Variants in RILPL1 observed in about 807,000 individuals in gnomAD.
RILPL1 encodes the protein RILP-like protein 1.
Under a neutral mutation model 50.3 loss-of-function variants are expected in RILPL1, and 33 were observed. The ratio of observed to expected loss-of-function variants is 0.66; its 90% confidence interval spans 0.50 to 0.88. The LOEUF is 0.88. Ranked by LOEUF, RILPL1 falls within the 40% of genes least tolerant of loss-of-function variation. RILPL1 has a pLI of 0.00. For missense variants in RILPL1, 418 were observed against 542.5 expected, an observed-to-expected ratio of 0.77 and a Z score of 2.28; for synonymous variants, 205 against 228.6, an observed-to-expected ratio of 0.90 and a Z score of 0.93.
intron 6 of RILPL1, chr12:123,474,962 A>G (rs1881492358): frequency 6.6e-6 from 1 of 152,450 alleles, no homozygotes; most frequent in African/African-American, 2.4e-5. Context: ...AGCCACGGCA[A>G]GCCAAGTTTA....
intron 2 of RILPL1, among the ~76,000 whole-genome samples, chr12:123,510,051 G>A (rs931439005): frequency 3.3e-5 from 5 of 152,194 alleles, no homozygotes; most frequent in African/African-American, 7.2e-5. Context: ...GGAGCCCAGC[G>A]GCAGGGCAGG....
intron 2 of RILPL1, among the ~76,000 whole-genome samples, chr12:123,514,804 A>G (rs768420622): frequency 2.0e-5 from 3 of 152,162 alleles, no homozygotes; most frequent in Non-Finnish European, 4.4e-5. Flanking sequence ...TAAATGATAT[A>G]CTACATGCTA....
intron 1 of RILPL1, among the ~76,000 whole-genome samples, chr12:123,527,752 G>A (rs927361737): frequency 6.6e-6 from 1 of 152,194 alleles, no homozygotes; most frequent in African/African-American, 2.4e-5. Context: ...GTCTTCGTAA[G>A]AGGAAGGCAG....
chr12:123,513,415 A>G, intron 2 of RILPL1: 1 of 330,892 alleles, frequency 3.0e-6, no homozygotes, highest in Admixed American at 3.3e-5. Flanking sequence ...GGAGGCGAGC[A>G]TGAGGAGAGA....
At chr12:123,482,904 C>A (rs1882088401) in intron 6 of RILPL1, among the ~76,000 whole-genome samples, 1 of 152,148 alleles carries the variant, frequency 6.6e-6, no homozygotes, top group African/African-American at 2.4e-5. Flanking sequence ...CACCCAGCCC[C>A]AAGGGCACCA....
chr12:123,507,501 G>A (rs182204263), intron 2 of RILPL1, among the ~76,000 whole-genome samples: 1 of 151,476 alleles, frequency 6.6e-6, no homozygotes, highest in East Asian at 1.9e-4. Context: ...GGAGTTCGAG[G>A]CTGCAATGAG....
intron 6 of RILPL1, among the ~76,000 whole-genome samples, chr12:123,481,140 T>C (rs997177537): frequency 6.6e-6 from 1 of 152,084 alleles, no homozygotes; most frequent in Non-Finnish European, 1.5e-5. Context: ...GTGGATCACC[T>C]GAAGTCAGGA....
Position 123,484,211 on chromosome 12 carries a change from A to T in RILPL1, c.1036T>A (p.Ser346Thr). 6.3e-7 allele frequency: 1 copy of T among 1,599,846 alleles called. No individual in the cohort carries two copies. Among genetic ancestry groups the T allele is most frequent in the Non-Finnish European group, 8.6e-7 (1 of 1,167,982 alleles). Residue 346 changes from serine (S) to threonine (T), a missense_variant, in exon 6 of 7, where the codon TCC becomes ACC. Ser to Thr is a moderately conservative substitution (Grantham distance 58). Coordinates refer to ENST00000376874, the MANE Select transcript of RILPL1 (RefSeq NM_178314.5). Reference protein sequence around the residue: ...QPPPIAHPRTSPQPESGIKRL... With the variant: ...QPPPIAHPRTTPQPESGIKRL... ...TTGATGCCCGACTCCGGCTGGGGGG[A>T]CGTCCTCGGGTGGGCGATGGGTGGG...
intron 1 of RILPL1, among the ~76,000 whole-genome samples, chr12:123,524,384 G>A (rs1362841213): frequency 6.6e-6 from 1 of 152,126 alleles, no homozygotes; most frequent in Non-Finnish European, 1.5e-5. Context: ...TGGCAGTTTC[G>A]CAAAAACATT....
At chr12:123,501,224 G>C (rs1290055962) in intron 2 of RILPL1, among the ~76,000 whole-genome samples, 2 of 150,910 alleles carry the variant, frequency 1.3e-5, no homozygotes, top group Non-Finnish European at 3.0e-5. Context: ...GATCGCTGAG[G>C]CTAGGAGTCT....
At chr12:123,478,714 C>A (rs973709201) in intron 6 of RILPL1, among the ~76,000 whole-genome samples, 2 of 152,202 alleles carry the variant, frequency 1.3e-5, no homozygotes, top group African/African-American at 4.8e-5. Context: ...CCCGGTCCCC[C>A]CTCTATACCC....
chr12:123,511,105 T>G (rs1224970314), intron 2 of RILPL1, among the ~76,000 whole-genome samples: 1 of 121,660 alleles, frequency 8.2e-6, no homozygotes, highest in African/African-American at 3.2e-5. Context: ...GTGTGTTAGG[T>G]CTGTGTGTGT....
rs553106455 is a variant in RILPL1, at chr12:123,471,015, A to G, written c.*1523T>C. On this transcript the variant is annotated 3_prime_UTR_variant, in exon 7 of 7. Transcript: ENST00000376874. The stretch of plus-strand genomic sequence containing the variant: ...GTCTGATCATTTCTTTTTTTCGGCA[A>G]TCTGGAAGCAGAGTCCATTCTAGAT... 3 of 151,944 alleles carry G rather than the reference A, an allele frequency of 2.0e-5. No individual in the cohort carries two copies. Among genetic ancestry groups the G allele is most frequent in the South Asian group, 2.1e-4 (1 of 4,810 alleles). 9.4% of individuals were successfully genotyped at this position (151,944 alleles called of 1,614,324 possible). A position where few individuals can be genotyped will look rare whatever the true frequency, so the allele number is the denominator to read the frequency against.
chr12:123,521,670 TAA>T (rs200488908), intron 2 of RILPL1, among the ~76,000 whole-genome samples: 3,432 of 17,298 alleles, frequency 0.2, 242 homozygotes, highest in African/African-American at 0.36. Flanking sequence ...TGTATATATA[TAA>T]ATATATATAT....
chr12:123,502,438 C>T (rs1276859031), intron 2 of RILPL1, among the ~76,000 whole-genome samples: 3 of 152,328 alleles, frequency 2.0e-5, no homozygotes, highest in South Asian at 2.1e-4. Flanking sequence ...ATGGCTTTCC[C>T]GGGTTCCATT....
At position 123,533,216 on chromosome 12, in the gene RILPL1, C is replaced by G; in HGVS notation, c.267G>C (p.Leu89=). Residue 89 remains leucine (L), a synonymous_variant, in exon 1 of 7, where the codon CTG becomes CTC. Coordinates refer to ENST00000376874, the MANE Select transcript of RILPL1 (RefSeq NM_178314.5). The surrounding 1 kb of genome is among the most constrained non-coding windows in gnomAD (Gnocchi z 6.2). ...CCTTCTCGATGCGGTCCATCCTCTCCAGGCGCAGGCGGTCCAGCTCCAGGC... is the reference window on the plus strand; with the variant it reads ...CCTTCTCGATGCGGTCCATCCTCTCGAGGCGCAGGCGGTCCAGCTCCAGGC... ...ELRLELDRLR[L]ERMDRIEKER... 3 of 1,589,822 alleles carry G rather than the reference C, an allele frequency of 1.9e-6. No homozygotes were observed. Among genetic ancestry groups the G allele is most frequent in the Non-Finnish European group, 2.6e-6 (3 of 1,174,428 alleles).
At chr12:123,499,570 G>T in intron 2 of RILPL1, 34 bp from the exon 3 acceptor site, 1 of 1,474,090 alleles carries the variant, frequency 6.8e-7, no homozygotes, top group Non-Finnish European at 9.5e-7. Flanking sequence ...AGGTGAGCCC[G>T]CCTTACTCCT....
intron 4 of RILPL1, among the ~76,000 whole-genome samples, chr12:123,494,618 G>T (rs1218905130): frequency 6.6e-6 from 1 of 152,122 alleles, no homozygotes; most frequent in African/African-American, 2.4e-5. Flanking sequence ...CTGAAGGTTG[G>T]AAGGGGCACA....
At position 123,524,885 on chromosome 12, in the gene RILPL1, C is replaced by A. The variant is rs577591991; in HGVS notation, c.310-1240G>T. Among the ~76,000 whole-genome samples the A allele has an allele frequency of 0.018, 76 of 4,340 alleles. No homozygotes were observed. The Admixed American group carries it at 0.19, about 11-fold the overall frequency. 2.8% of individuals were successfully genotyped at this position (4,340 alleles called of 152,430 possible). On this transcript the variant is annotated intron_variant, in intron 1 of 6. Coordinates refer to ENST00000376874, the MANE Select transcript of RILPL1 (RefSeq NM_178314.5). ...TGGTGGCTCACGCCTGGAATCCCAG[C>A]ACTTGGGAGGCCAAGGCAGGCGGAT...
Sources: allele counts gnomAD v4.1 joint callset (sites outside exome capture counted in the v4.1 genomes callset), GRCh38; gene constraint gnomAD v4.1.1; non-coding constraint Gnocchi (gnomAD v3.1); transcripts MANE v1.5; gene names NCBI Gene and HGNC (gene_info 2026-07-23, HGNC 2026-07-21).